Variants in SPTBN1 observed in about 807,000 individuals in gnomAD.
SPTBN1 encodes the protein spectrin beta chain, non-erythrocytic 1.
SPTBN1 carries 32 observed loss-of-function variants against 266.4 expected under a neutral mutation model. That is an observed-to-expected ratio of 0.12 (90% CI 0.09 to 0.16). SPTBN1 has a LOEUF of 0.16. SPTBN1 is among the 10% of genes least tolerant of loss of function. SPTBN1 has a pLI of 1.00. For missense variants in SPTBN1, 2,296 were observed against 3,067.1 expected (o/e 0.75, Z 5.94); for synonymous variants, 1,336 against 1,162.2 (o/e 1.15, Z -3.04).
At chr2:54,488,478 TCTC>T in intron 1 of SPTBN1, among the ~76,000 whole-genome samples, 1 of 152,330 alleles carries the variant, frequency 6.6e-6, no homozygotes, top group Non-Finnish European at 1.5e-5. Context: ...TGTGTTGAAT[TCTC>T]CTCTAGTTTC....
chr2:54,527,821 G>T (rs955580332), intron 2 of SPTBN1: 2 of 152,276 alleles, frequency 1.3e-5, no homozygotes, highest in East Asian at 1.9e-4. Flanking sequence ...TGCTTCTCCC[G>T]CTGGTGTTGG....
chr2:54,633,658 G>A (rs1279826521), intron 17 of SPTBN1, among the ~76,000 whole-genome samples: 1 of 152,196 alleles, frequency 6.6e-6, no homozygotes, highest in African/African-American at 2.4e-5. Context: ...AGGGCTTGCT[G>A]TGAGACTGAT....
chr2:54,591,860 T>C (rs1198682238), intron 2 of SPTBN1, among the ~76,000 whole-genome samples: 1 of 152,230 alleles, frequency 6.6e-6, no homozygotes, highest in Non-Finnish European at 1.5e-5. Flanking sequence ...TTTTCAGTTA[T>C]AGCAAATTCT....
At chr2:54,499,748 C>A (rs868797059) in intron 1 of SPTBN1, among the ~76,000 whole-genome samples, 1 of 152,200 alleles carries the variant, frequency 6.6e-6, no homozygotes, top group South Asian at 2.1e-4. Context: ...CACATCTGCA[C>A]ATGATTATGA....
intron 2 of SPTBN1, among the ~76,000 whole-genome samples, chr2:54,555,140 T>G (rs1398259454): frequency 6.6e-6 from 1 of 152,146 alleles, no homozygotes; most frequent in Non-Finnish European, 1.5e-5. Flanking sequence ...TCTCCACTGG[T>G]TTTTCTTCTT....
At chr2:54,640,871 G>A (rs1679487970) in intron 18 of SPTBN1, among the ~76,000 whole-genome samples, 1 of 152,168 alleles carries the variant, frequency 6.6e-6, no homozygotes, top group Non-Finnish European at 1.5e-5. Flanking sequence ...ATTTTAATGT[G>A]ATATCCTGAA....
At chr2:54,562,533 C>CTTTTTTTCTTTTTTTTTTTT (rs746897447) in intron 2 of SPTBN1, among the ~76,000 whole-genome samples, 2 of 126,826 alleles carry the variant, frequency 1.6e-5, no homozygotes, top group African/African-American at 3.2e-5. Flanking sequence ...TTTTCTTTTT[C>CTTTTTTTCTTTTTTTTTTTT]TTTTTTTTTT....
intron 1 of SPTBN1, among the ~76,000 whole-genome samples, chr2:54,508,340 T>G (rs1435534864): frequency 2.0e-5 from 3 of 152,248 alleles, no homozygotes; most frequent in African/African-American, 7.2e-5. Context: ...ACTCGAGGCA[T>G]GTGAGTAAAG....
intron 17 of SPTBN1, among the ~76,000 whole-genome samples, chr2:54,633,468 G>T (rs1189491914): frequency 6.6e-6 from 1 of 151,698 alleles, no homozygotes; most frequent in Non-Finnish European, 1.5e-5. Flanking sequence ...TTCCTCCCCG[G>T]CTGGAGGCCA....
intron 2 of SPTBN1, among the ~76,000 whole-genome samples, chr2:54,571,839 A>T (rs548933937): frequency 6.6e-6 from 1 of 152,338 alleles, no homozygotes; most frequent in East Asian, 1.9e-4. Context: ...TTTTCCTTCC[A>T]GGGGCCTCTT....
At chr2:54,625,786 T>A in intron 11 of SPTBN1, 146 bp from the exon 12 acceptor site, 1 of 853,114 alleles carries the variant, frequency 1.2e-6, no homozygotes, top group Non-Finnish European at 1.8e-6. Flanking sequence ...AGACAGGGTT[T>A]CACAATGTTG....
intron 3 of SPTBN1, among the ~76,000 whole-genome samples, chr2:54,611,702 G>GC (rs1208235346): frequency 2.0e-5 from 3 of 151,990 alleles, no homozygotes; most frequent in African/African-American, 7.3e-5. Flanking sequence ...CTTCTGATTT[G>GC]ATGGTTGTGT....
At chr2:54,644,058 C>T (rs565954022) in intron 19 of SPTBN1, among the ~76,000 whole-genome samples, 2 of 151,978 alleles carry the variant, frequency 1.3e-5, no homozygotes, top group African/African-American at 4.8e-5. Context: ...GATAAAGTCA[C>T]GTTATTAGCA....
chr2:54,617,616 A>T lies in SPTBN1; in HGVS notation c.575A>T (p.Asn192Ile). 1.2e-6 allele frequency: 2 copies of T among 1,614,122 alleles called. No individual in the cohort carries two copies. Among genetic ancestry groups the T allele is most frequent in the Non-Finnish European group, 1.7e-6 (2 of 1,179,992 alleles). Residue 192 changes from asparagine to isoleucine, a missense_variant, in exon 6 of 36, where the codon AAT becomes ATT. Around this residue, in one of 12 missense-constraint regions of SPTBN1, gnomAD observed 178 missense variants for 375.7 expected, o/e 0.47. Coordinates refer to ENST00000356805, the MANE Select transcript of SPTBN1 (RefSeq NM_003128.3). ...TGCTTTGTCCTTGGCAGGTACCCCA[A>T]TGTCAACATTCACAATTTCACCACT... ...WCQMKTAGYPNVNIHNFTTSW... is the reference protein window; with the variant it reads ...WCQMKTAGYPIVNIHNFTTSW...
At position 54,664,796 on chromosome 2, in the gene SPTBN1, A is replaced by G; in HGVS notation, c.6659+105A>G. 8.4e-7 allele frequency: 1 copy of G among 1,183,620 alleles called. No individual in the cohort carries two copies. The allele number at this position is 1,183,620 out of a possible 1,614,324, so 73.3% of individuals were successfully genotyped here. On this transcript the variant is annotated intron_variant, in intron 33 of 35. Transcript: ENST00000356805. The surrounding 1 kb of genome is among the most constrained non-coding windows in gnomAD (Gnocchi z 5.6). ...GAGAAGTATGTGCTCATGTAGTTTTATTCCTTTGGTAGCTTCCTGGACATT... is the reference window on the plus strand; with the variant it reads ...GAGAAGTATGTGCTCATGTAGTTTTGTTCCTTTGGTAGCTTCCTGGACATT...
At chr2:54,476,754 T>A (rs1301347853) in intron 1 of SPTBN1, among the ~76,000 whole-genome samples, 1 of 152,242 alleles carries the variant, frequency 6.6e-6, no homozygotes, top group African/African-American at 2.4e-5. Flanking sequence ...GGGAAGAAGC[T>A]TTGTTTTTAT....
At position 54,517,034 on chromosome 2, in the gene SPTBN1, T is replaced by C. The variant is rs181884200; in HGVS notation, c.-47-9338T>C. 4.2e-3 allele frequency among the ~76,000 whole-genome samples: 641 copies of C among 152,350 alleles called. 4 individuals are homozygous for C. The highest frequency in any genetic ancestry group is 0.01 in the Middle Eastern group (3 of 294). ...GGTTGTGGAGACCTAGGTTTTATCATGCAGATGAGGCCTCCAAGTAGCAGG... is the reference window on the plus strand; with the variant it reads ...GGTTGTGGAGACCTAGGTTTTATCACGCAGATGAGGCCTCCAAGTAGCAGG... On this transcript the variant is annotated intron_variant, in intron 1 of 35. Transcript: ENST00000356805.
intron 33 of SPTBN1, 29 bp from the exon 34 acceptor site, chr2:54,665,886 C>T: frequency 1.3e-6 from 2 of 1,593,484 alleles, no homozygotes; most frequent in East Asian, 2.2e-5. Context: ...GCCTTTATCT[C>T]CCCCTGCCCT....
intron 35 of SPTBN1, among the ~76,000 whole-genome samples, chr2:54,668,123 G>GT (rs1311058328): frequency 6.6e-6 from 1 of 152,226 alleles, no homozygotes; most frequent in East Asian, 1.9e-4. Flanking sequence ...GCTGTTACAA[G>GT]TTTGTAGGGC....
Sources: gnomAD v4.1 joint callset for allele counts (sites outside exome capture counted in the v4.1 genomes callset) on GRCh38, gnomAD v4.1.1 for gene constraint, gnomAD v4.1.1 regional missense constraint, Gnocchi (gnomAD v3.1) non-coding constraint, MANE v1.5 for transcripts, NCBI Gene and HGNC (gene_info 2026-07-23, HGNC 2026-07-21) for gene names.